The following ZNF280C variants were observed in gnomAD, a reference collection of about 807,000 sequenced individuals.
ZNF280C encodes the protein suppressor of hairy wing homolog 3.
In ZNF280C, 14 loss-of-function variants were observed where a neutral mutation model predicts 53.6. That is an observed-to-expected ratio of 0.26 (90% CI 0.17 to 0.41). The LOEUF is 0.41. Ranked by LOEUF, ZNF280C falls within the 10% of genes least tolerant of loss-of-function variation. The pLI is 1.00. For missense variants in ZNF280C, 416 were observed against 547.1 expected (o/e 0.76, Z 2.39); for synonymous variants, 203 against 181.1 (o/e 1.12, Z -0.97).
intron 13 of ZNF280C, among the ~76,000 whole-genome samples, 195 bp from the exon 14 acceptor site, chrX:130,216,296 A>G (rs1215203967): frequency 3.6e-5 from 4 of 111,621 alleles, no homozygotes; most frequent in Non-Finnish European, 5.6e-5. Flanking sequence ...ATGAATTTGA[A>G]CCCTTACCTC....
chrX:130,255,136 T>C (rs1603245902), intron 2 of ZNF280C, among the ~76,000 whole-genome samples: 2 of 106,376 alleles, frequency 1.9e-5, no homozygotes, highest in South Asian at 7.9e-4. Context: ...ATTTTCTTTT[T>C]TTTTCTTTTT....
chrX:130,241,538 T>C (rs1174794995), intron 5 of ZNF280C, among the ~76,000 whole-genome samples: 3 of 112,109 alleles, frequency 2.7e-5, no homozygotes, highest in Non-Finnish European at 5.6e-5. Flanking sequence ...AGATGGAGGA[T>C]AGCTTGAGGC....
At chrX:130,250,823 G>A (rs1027554785) in intron 2 of ZNF280C, among the ~76,000 whole-genome samples, 7 of 111,697 alleles carry the variant, frequency 6.3e-5, no homozygotes, top group Non-Finnish European at 9.4e-5. Flanking sequence ...TGCTGGATGC[G>A]GTGGCTCACA....
chrX:130,221,867 A>G (rs764580963), intron 12 of ZNF280C, among the ~76,000 whole-genome samples: 16 of 111,137 alleles, frequency 1.4e-4, no homozygotes, highest in Non-Finnish European at 2.6e-4. Context: ...GATCTTTCAC[A>G]TGGTTAAACC....
chrX:130,236,190 A>G (rs2032330424), intron 8 of ZNF280C, 24 bp downstream of exon 8: 2 of 1,061,914 alleles, frequency 1.9e-6, no homozygotes, highest in East Asian at 3.0e-5. Context: ...ATTTTTAACA[A>G]TTGAACTTTG....
intron 1 of ZNF280C, among the ~76,000 whole-genome samples, chrX:130,268,223 G>C (rs1489219963): frequency 9.0e-6 from 1 of 111,546 alleles, no homozygotes; most frequent in Non-Finnish European, 1.9e-5. Flanking sequence ...CCTTTGGCCA[G>C]AACAAGGTTG....
At chrX:130,206,533 A>AT (rs1433364183) in intron 16 of ZNF280C, among the ~76,000 whole-genome samples, 2 of 109,153 alleles carry the variant, frequency 1.8e-5, no homozygotes, top group Non-Finnish European at 3.8e-5. Context: ...CGCCTGGCTA[A>AT]TTTTTTTGTA....
chrX:130,254,552 A>G (rs1360561281), intron 2 of ZNF280C, among the ~76,000 whole-genome samples: 2 of 112,386 alleles, frequency 1.8e-5, no homozygotes, highest in Non-Finnish European at 3.8e-5. Flanking sequence ...TGTGGTACAT[A>G]TACACCATGG....
At chrX:130,207,277 A>G in intron 16 of ZNF280C, among the ~76,000 whole-genome samples, 1 of 111,736 alleles carries the variant, frequency 8.9e-6, no homozygotes, top group South Asian at 3.7e-4. Flanking sequence ...ATGTCTTCCA[A>G]ATGAAAATTA....
At chrX:130,231,525 G>A (rs753068421) in intron 8 of ZNF280C, among the ~76,000 whole-genome samples, 10 of 111,403 alleles carry the variant, frequency 9.0e-5, no homozygotes, top group Admixed American at 3.8e-4. Context: ...CTAAACATTG[G>A]GTATACACAG....
intron 2 of ZNF280C, among the ~76,000 whole-genome samples, chrX:130,258,250 G>C (rs1156390869): frequency 8.9e-6 from 1 of 112,449 alleles, no homozygotes; most frequent in Non-Finnish European, 1.9e-5. Context: ...TTCTGGCTTA[G>C]ACAATGATAT....
intron 1 of ZNF280C, among the ~76,000 whole-genome samples, chrX:130,267,197 A>G (rs2032698507): frequency 8.9e-6 from 1 of 111,860 alleles, no homozygotes; most frequent in Non-Finnish European, 1.9e-5. Flanking sequence ...ATTTGGAGTT[A>G]TTCAACCTAA....
chrX:130,246,161 C>G (rs1281552472), intron 3 of ZNF280C, among the ~76,000 whole-genome samples: 1 of 112,226 alleles, frequency 8.9e-6, no homozygotes, highest in African/African-American at 3.2e-5. Flanking sequence ...TCTAACAATC[C>G]ACAAAGGTAC....
At chrX:130,211,080 C>T (rs2032034953) in intron 15 of ZNF280C, among the ~76,000 whole-genome samples, 1 of 112,256 alleles carries the variant, frequency 8.9e-6, no homozygotes, top group South Asian at 3.7e-4. Context: ...CACAAGGTAA[C>T]CATCACCAGC....
chrX:130,244,640 T>G (rs778554581), intron 3 of ZNF280C, among the ~76,000 whole-genome samples: 3 of 108,861 alleles, frequency 2.8e-5, no homozygotes, highest in Admixed American at 2.0e-4. Context: ...TAGCTGGGCG[T>G]GGTGGCAGGC....
At chrX:130,220,602 G>T in intron 12 of ZNF280C, 122 bp from the exon 13 acceptor site, 1 of 657,948 alleles carries the variant, frequency 1.5e-6, no homozygotes, top group Non-Finnish European at 2.2e-6. Context: ...TCCCACCACA[G>T]ACAATTCAAA....
At chrX:130,207,287 A>G (rs993735099) in intron 16 of ZNF280C, among the ~76,000 whole-genome samples, 3 of 111,811 alleles carry the variant, frequency 2.7e-5, no homozygotes, top group African/African-American at 9.7e-5. Flanking sequence ...AATGAAAATT[A>G]AGCCCAAACT....
Position 130,236,567 on chromosome X carries a change from G to A in ZNF280C, c.566C>T (p.Pro189Leu), listed in dbSNP as rs774085393. 3.3e-6 allele frequency: 4 copies of A among 1,202,206 alleles called. No individual in the cohort carries two copies. In the African/African-American group the frequency reaches 5.3e-5, roughly 16 times the overall value. The change falls in exon 7 of 19, where the codon CCA (proline) becomes CTA (leucine). Residue 189 changes from proline to leucine, a missense_variant. Pro to Leu is a moderately conservative substitution (Grantham distance 98, BLOSUM62 -3). This residue lies in a region of ZNF280C where 193 missense variants were observed against 201.4 expected (regional missense o/e 0.96). Coordinates refer to ENST00000370978, the MANE Select transcript of ZNF280C (RefSeq NM_017666.5). ...CTGAGGAACATCTTCACTGGTCTTT[G>A]GTTTTTTTGGAGTAACACTGTTTAC... The part of the protein sequence containing the change: ...SKVNSVTPKK[P>L]KTSEDVPQIN...
intron 12 of ZNF280C, among the ~76,000 whole-genome samples, chrX:130,221,287 A>G (rs1263147107): frequency 8.9e-6 from 1 of 111,975 alleles, no homozygotes; most frequent in African/African-American, 3.2e-5. Flanking sequence ...AAGGGGAAAG[A>G]AGAAAATCTC....
Sources: gnomAD v4.1 joint callset for allele counts (sites outside exome capture counted in the v4.1 genomes callset) on GRCh38, gnomAD v4.1.1 for gene constraint, gnomAD v4.1.1 regional missense constraint, MANE v1.5 for transcripts, NCBI Gene and HGNC (gene_info 2026-07-23, HGNC 2026-07-21) for gene names.